SLC12A8: variants seen among roughly 807,000 people sequenced by gnomAD.
SLC12A8 encodes the protein solute carrier family 12 member 8.
In SLC12A8, 69 loss-of-function variants were observed where a neutral mutation model predicts 75.6. The observed-to-expected ratio is 0.91, with a 90% CI of 0.75 to 1.11. The LOEUF (loss-of-function observed/expected upper bound fraction) is 1.11, where lower values mean the gene tolerates loss of function less well. Ranked by LOEUF, SLC12A8 falls within the 50% of genes most tolerant of loss-of-function variation. The probability of loss-of-function intolerance (pLI) is 0.00; values close to 1 mark genes in which losing one functional copy is unlikely to be tolerated. For synonymous variants in SLC12A8, 365 were observed against 372.8 expected (o/e 0.98, Z 0.24); for missense variants, 877 against 896.7 (o/e 0.98, Z 0.28).
intron 3 of SLC12A8, among the ~76,000 whole-genome samples, chr3:125,187,699 C>T (rs572275580): frequency 6.6e-6 from 1 of 152,286 alleles, no homozygotes; most frequent in South Asian, 2.1e-4. Context: ...GATGCCCTCA[C>T]GAGGTGCCTC....
At chr3:125,120,836 T>C (rs1445421670) in intron 6 of SLC12A8, 150 bp from the exon 7 acceptor site, 3 of 715,646 alleles carry the variant, frequency 4.2e-6, no homozygotes, top group African/African-American at 1.7e-5. Context: ...AGGCTGCTTT[T>C]CAATCTCCCC....
chr3:125,136,351 T>C (rs1490785005), intron 5 of SLC12A8, among the ~76,000 whole-genome samples: 1 of 152,096 alleles, frequency 6.6e-6, no homozygotes, highest in African/African-American at 2.4e-5. Context: ...CCTTCCAGAC[T>C]CTTCTCCCAC....
rs1056657735 is a variant in SLC12A8 at position 125,083,430 on chromosome 3, A to G, written c.*460T>C. 2.5e-5 allele frequency: 4 copies of G among 157,150 alleles called. No individual in the cohort carries two copies. The highest frequency in any genetic ancestry group is 9.7e-5 in the African/African-American group (4 of 41,438). The allele number at this position is 157,150 out of a possible 1,614,324, so 9.7% of individuals were successfully genotyped here. On this transcript the variant is annotated 3_prime_UTR_variant, in exon 14 of 14. Transcript: ENST00000469902. ...TCCTTCTTCCACATGTTCTAAGAAAACATAGATTTCTGGCCAGGCATGGTG... is the reference window on the plus strand; with the variant it reads ...TCCTTCTTCCACATGTTCTAAGAAAGCATAGATTTCTGGCCAGGCATGGTG...
In SLC12A8 at chr3:125,208,150, G is replaced by C. The variant is rs146660277; in HGVS notation, c.51+3149C>G. ...TCCAGACAGAGGCCCCTGGAACAAG[G>C]CTTGGCCTGCCAGAAGTTCGGTGGG... On this transcript the variant is annotated intron_variant, in intron 2 of 13. Transcript: ENST00000469902. Among the ~76,000 whole-genome samples the C allele has an allele frequency of 8.4e-3, 1,277 of 152,262 alleles. 14 individuals are homozygous for C. Among genetic ancestry groups the C allele is most frequent in the African/African-American group, 0.028 (1,172 of 41,546 alleles).
intron 5 of SLC12A8, among the ~76,000 whole-genome samples, chr3:125,176,742 C>A (rs1206771937): frequency 1.1e-4 from 17 of 149,670 alleles, no homozygotes; most frequent in African/African-American, 3.9e-4. Context: ...CATCACTGGC[C>A]ATCAGAGAAA....
In SLC12A8 at chr3:125,190,524, G is replaced by T; in HGVS notation, c.52-3C>A. ...GGCTGGGGCTGGGCCAGGGCATCCT[G>T]CAAACAGAACACACAGAAATCAGCT... On this transcript the variant is annotated splice_polypyrimidine_tract_variant and splice_region_variant and intron_variant, in intron 2 of 13. Transcript: ENST00000469902. 1 of 1,613,772 alleles carries T rather than the reference G, an allele frequency of 6.2e-7. No individual in the cohort carries two copies. Among genetic ancestry groups the T allele is most frequent in the Non-Finnish European group, 8.5e-7 (1 of 1,179,788 alleles).
chr3:125,179,693 A>G (rs1259326136), intron 4 of SLC12A8, among the ~76,000 whole-genome samples: 1 of 143,136 alleles, frequency 7.0e-6, no homozygotes, highest in East Asian at 2.0e-4. Flanking sequence ...TGAGGGAAAT[A>G]CAATCATTTC....
chr3:125,141,484 C>A (rs932468971), intron 5 of SLC12A8, among the ~76,000 whole-genome samples: 1 of 152,198 alleles, frequency 6.6e-6, no homozygotes, highest in South Asian at 2.1e-4. Context: ...GGACCCTTGC[C>A]CTGGGTAGGC....
intron 2 of SLC12A8, among the ~76,000 whole-genome samples, chr3:125,203,745 T>C (rs1398783686): frequency 2.0e-5 from 3 of 152,204 alleles, no homozygotes; most frequent in Non-Finnish European, 2.9e-5. Context: ...AATGGGGTCA[T>C]ATTGATCTAA....
intron 6 of SLC12A8, among the ~76,000 whole-genome samples, chr3:125,124,760 G>GA (rs1271274774): frequency 1.6e-4 from 24 of 152,214 alleles, no homozygotes; most frequent in Non-Finnish European, 1.5e-5. Context: ...GTTAGAGCTA[G>GA]AAAAATTATT....
At chr3:125,112,995 C>A (rs1939224807) in intron 8 of SLC12A8, among the ~76,000 whole-genome samples, 1 of 152,226 alleles carries the variant, frequency 6.6e-6, no homozygotes, top group Non-Finnish European at 1.5e-5. Flanking sequence ...CATCTCCTTG[C>A]AGAAATTTCA....
chr3:125,146,426 G>T (rs1021566290), intron 5 of SLC12A8, among the ~76,000 whole-genome samples: 1 of 152,188 alleles, frequency 6.6e-6, no homozygotes, highest in Non-Finnish European at 1.5e-5. Context: ...AAATGGCAAA[G>T]TGTGTGCTAT....
intron 5 of SLC12A8, among the ~76,000 whole-genome samples, chr3:125,146,069 A>T (rs1477530993): frequency 6.6e-6 from 1 of 152,194 alleles, no homozygotes; most frequent in African/African-American, 2.4e-5. Context: ...AGCAGAAGCA[A>T]TTCTCCCACC....
chr3:125,128,779 C>A (rs1349124014), intron 6 of SLC12A8, among the ~76,000 whole-genome samples: 7 of 152,150 alleles, frequency 4.6e-5, no homozygotes, highest in Admixed American at 4.6e-4. Context: ...TCTGATCCAG[C>A]AGGTTCTTGT....
At chr3:125,169,632 C>A (rs185268955) in intron 5 of SLC12A8, among the ~76,000 whole-genome samples, 1 of 152,310 alleles carries the variant, frequency 6.6e-6, no homozygotes, top group East Asian at 1.9e-4. Context: ...CTCCACTCTG[C>A]TCCCCGAACT....
At chr3:125,160,520 AC>A (rs1291125180) in intron 5 of SLC12A8, among the ~76,000 whole-genome samples, 3 of 152,150 alleles carry the variant, frequency 2.0e-5, no homozygotes, top group Non-Finnish European at 2.9e-5. Flanking sequence ...ACAAGTCCTG[AC>A]CCTTGCTGAG....
chr3:125,199,063 C>A (rs533950307), intron 2 of SLC12A8, among the ~76,000 whole-genome samples: 7 of 152,132 alleles, frequency 4.6e-5, no homozygotes, highest in Admixed American at 3.9e-4. Context: ...TAGGCGTGAG[C>A]CACCATGCCC....
At chr3:125,093,081 G>A (rs531874236) in intron 10 of SLC12A8, among the ~76,000 whole-genome samples, 1 of 152,258 alleles carries the variant, frequency 6.6e-6, no homozygotes, top group Non-Finnish European at 1.5e-5. Flanking sequence ...GTGAAGACAT[G>A]AGGCATTTGA....
At chr3:125,104,567 A>G (rs1938976839) in intron 10 of SLC12A8, among the ~76,000 whole-genome samples, 1 of 152,158 alleles carries the variant, frequency 6.6e-6, no homozygotes, top group East Asian at 1.9e-4. Flanking sequence ...CTTGGAAATT[A>G]AAAACTGGAT....
Sources: gnomAD v4.1 joint callset for allele counts (sites outside exome capture counted in the v4.1 genomes callset) on GRCh38, gnomAD v4.1.1 for gene constraint, MANE v1.5 for transcripts, NCBI Gene and HGNC (gene_info 2026-07-23, HGNC 2026-07-21) for gene names.